RNF214: variants seen among roughly 807,000 people sequenced by gnomAD.
RNF214 encodes ring finger protein 214.
A neutral mutation model predicts 75.9 loss-of-function variants in RNF214; 25 were observed. The ratio of observed to expected loss-of-function variants is 0.33; its 90% CI spans 0.24 to 0.46. RNF214 has a LOEUF of 0.46. Ranked by LOEUF, RNF214 falls within the 20% of genes least tolerant of loss-of-function variation. The pLI is 1.00. For synonymous variants in RNF214, 314 were observed against 308.8 expected (o/e 1.02, Z -0.18); for missense variants, 725 against 857.5 (o/e 0.85, Z 1.93).
At chr11:117,279,564 T>A (rs1298437191) in intron 6 of RNF214, among the ~76,000 whole-genome samples, 2 of 152,172 alleles carry the variant, frequency 1.3e-5, no homozygotes, top group Admixed American at 1.3e-4. Context: ...CTCAAACTCC[T>A]GATTTCAAGT....
intron 6 of RNF214, among the ~76,000 whole-genome samples, chr11:117,277,122 C>T (rs1353372019): frequency 6.6e-6 from 1 of 152,136 alleles, no homozygotes; most frequent in Non-Finnish European, 1.5e-5. Context: ...GCTGGTGGAT[C>T]ACCTGAGGTC....
intron 6 of RNF214, among the ~76,000 whole-genome samples, chr11:117,250,589 T>A (rs914139147): frequency 8.0e-6 from 1 of 125,352 alleles, no homozygotes; most frequent in Non-Finnish European, 1.6e-5. Context: ...ATTTTATTAT[T>A]TTTATTTATT....
intron 8 of RNF214, 111 bp downstream of exon 8, chr11:117,280,370 G>A (rs2034102882): frequency 1.3e-6 from 1 of 747,846 alleles, no homozygotes; most frequent in African/African-American, 1.7e-5. Flanking sequence ...TATCTGCACA[G>A]GAATTGTAAG....
chr11:117,251,214 C>A (rs1275534603), intron 6 of RNF214, among the ~76,000 whole-genome samples: 1 of 111,324 alleles, frequency 9.0e-6, no homozygotes, highest in Admixed American at 9.3e-5. Context: ...CCCCGCACCT[C>A]CCGGACGGGG....
intron 6 of RNF214, among the ~76,000 whole-genome samples, chr11:117,260,902 C>T (rs2033646395): frequency 6.7e-6 from 1 of 149,800 alleles, no homozygotes; most frequent in Non-Finnish European, 1.5e-5. Flanking sequence ...GATCCGCCCG[C>T]CTTGGCGTCC....
At chr11:117,256,088 C>G (rs1246112543) in intron 6 of RNF214, among the ~76,000 whole-genome samples, 2 of 152,170 alleles carry the variant, frequency 1.3e-5, no homozygotes, top group African/African-American at 4.8e-5. Flanking sequence ...AAAACTCAGC[C>G]TGTGCCACCT....
At chr11:117,247,865 A>C (rs2033268807) in intron 6 of RNF214, among the ~76,000 whole-genome samples, 1 of 151,792 alleles carries the variant, frequency 6.6e-6, no homozygotes, top group Non-Finnish European at 1.5e-5. Flanking sequence ...TCAAAAAAAA[A>C]AAAAAACAAA....
intron 6 of RNF214, among the ~76,000 whole-genome samples, chr11:117,259,073 C>A (rs1455416471): frequency 6.6e-6 from 1 of 152,172 alleles, no homozygotes; most frequent in Non-Finnish European, 1.5e-5. Flanking sequence ...TTTTCCACCT[C>A]AGCCTTTCGA....
At position 117,268,947 on chromosome 11, in the gene RNF214, A is replaced by G. The variant is rs181464125; in HGVS notation, c.960-10961A>G. Among the ~76,000 whole-genome samples the G allele has an allele frequency of 2.6e-5, 4 of 152,354 alleles. No homozygotes were observed. In the East Asian group the frequency reaches 7.7e-4, roughly 29 times the overall value. ...AAATTAACTGACAGAAGGTAGATTA[A>G]TAGGATAAAAAAGCATATAAAATTT... On this transcript the variant is annotated intron_variant, in intron 6 of 14. Coordinates refer to ENST00000300650, the MANE Select transcript of RNF214 (RefSeq NM_207343.4).
chr11:117,267,470 G>A (rs539327831), intron 6 of RNF214, among the ~76,000 whole-genome samples: 2 of 152,096 alleles, frequency 1.3e-5, no homozygotes, highest in African/African-American at 4.8e-5. Flanking sequence ...TCAGCAGTTT[G>A]GGAGGCCGAG....
At chr11:117,250,612 T>TTA (rs2033348202) in intron 6 of RNF214, among the ~76,000 whole-genome samples, 1 of 92,126 alleles carries the variant, frequency 1.1e-5, no homozygotes. Flanking sequence ...TTTATTTATT[T>TTA]TTTTTTTAAT....
chr11:117,251,012 C>T (rs372581011), intron 6 of RNF214, among the ~76,000 whole-genome samples: 9 of 144,540 alleles, frequency 6.2e-5, no homozygotes, highest in East Asian at 2.2e-4. Flanking sequence ...CCATGTCTAC[C>T]TCTTTCTACA....
chr11:117,276,274 CCAT>C (rs1049467951), intron 6 of RNF214, among the ~76,000 whole-genome samples: 1 of 152,112 alleles, frequency 6.6e-6, no homozygotes, highest in African/African-American at 2.4e-5. Flanking sequence ...CTCACAGCCA[CCAT>C]CATACTGAAG....
chr11:117,284,996 C>T (rs577810161), intron 14 of RNF214, 90 bp from the exon 15 acceptor site: 21 of 923,354 alleles, frequency 2.3e-5, no homozygotes, highest in African/African-American at 1.1e-4. Flanking sequence ...ACTTTTCTGA[C>T]TTAGGCCTTG....
intron 2 of RNF214, 116 bp from the exon 3 acceptor site, chr11:117,238,485 G>A (rs968320911): frequency 2.2e-6 from 2 of 900,758 alleles, no homozygotes; most frequent in Admixed American, 2.5e-5. Context: ...TCATTGGATT[G>A]AAACTAAGTT....
Position 117,235,341 on chromosome 11 carries a change from C to T in RNF214, c.107+962C>T, listed in dbSNP as rs749358418. ...CCTCCCCAGTAGCTGGGACTACAGG[C>T]GCCCGCCACTACGCCCGGCTAATTT... On this transcript the variant is annotated intron_variant, in intron 2 of 14. Coordinates refer to ENST00000300650, the MANE Select transcript of RNF214 (RefSeq NM_207343.4). Among the ~76,000 whole-genome samples, 46 of 151,508 alleles carry T rather than the reference C, an allele frequency of 3.0e-4. No individual in the cohort carries two copies. The Middle Eastern group carries it at 0.01, about 34-fold the overall frequency.
chr11:117,281,333 G>C lies in RNF214; in HGVS notation c.1165G>C (p.Glu389Gln). The C allele has an allele frequency of 6.2e-7, 1 of 1,613,284 alleles. No individual in the cohort carries two copies. The highest frequency in any genetic ancestry group is 8.5e-7 in the Non-Finnish European group (1 of 1,179,496). The change falls in exon 9 of 15, where the codon GAG becomes CAG. Residue 389 changes from glutamate to glutamine, a missense_variant. This residue lies in a region of RNF214 where 363 missense variants were observed against 513.0 expected (regional missense o/e 0.71). Transcript: ENST00000300650. ...TGAAAGGTCAACTCCCCCAACACTG[G>C]AGACAGTTCGTTCCAAACAGGAGTG... ...TYLKSTPPTLETVRSKQEWET... is the reference protein window; with the variant it reads ...TYLKSTPPTLQTVRSKQEWET...
At chr11:117,250,689 A>G (rs1383746828) in intron 6 of RNF214, among the ~76,000 whole-genome samples, 4 of 143,052 alleles carry the variant, frequency 2.8e-5, no homozygotes, top group Non-Finnish European at 6.1e-5. Flanking sequence ...TCACAGGACA[A>G]TAGTGGAGGG....
At chr11:117,270,743 C>T (rs757587425) in intron 6 of RNF214, among the ~76,000 whole-genome samples, 8 of 152,148 alleles carry the variant, frequency 5.3e-5, no homozygotes, top group Non-Finnish European at 8.8e-5. Context: ...CCACCTCACC[C>T]AGCCTAATTT....
Sources: allele counts gnomAD v4.1 joint callset (sites outside exome capture counted in the v4.1 genomes callset), GRCh38; gene constraint gnomAD v4.1.1; regional missense constraint gnomAD v4.1.1; transcripts MANE v1.5; gene names NCBI Gene and HGNC (gene_info 2026-07-23, HGNC 2026-07-21).